Variants in SLC2A9 observed in about 807,000 individuals in gnomAD.
SLC2A9 encodes the protein solute carrier family 2 member 9.
SLC2A9 carries 39 observed loss-of-function variants against 50.6 expected under a neutral mutation model. That is an observed-to-expected ratio of 0.77 (90% confidence interval 0.60 to 1.01). The LOEUF is 1.01. Among genes scored for constraint, SLC2A9 ranks in the 50% least tolerant of loss-of-function variants. The pLI, the probability that SLC2A9 is intolerant of heterozygous loss-of-function variation, is 0.00. For missense variants in SLC2A9, 686 were observed against 677.6 expected (o/e 1.01, Z -0.14); for synonymous variants, 324 against 276.9 (o/e 1.17, Z -1.69).
intron 5 of SLC2A9, among the ~76,000 whole-genome samples, chr4:9,975,520 A>G (rs1022322145): frequency 2.6e-5 from 4 of 152,246 alleles, no homozygotes; most frequent in Non-Finnish European, 5.9e-5. Context: ...ATCACTAATC[A>G]TCAGAGAGAC....
In SLC2A9 at chr4:9,911,256, G is replaced by C. The variant is rs192983406; in HGVS notation, c.1003-2911C>G. ...CTCTCCCGCTGCCCAGGGGCTACAG[G>C]GGTCCTGCCGGGCTGGCCCTGTCTG... is the stretch of plus-strand genomic sequence containing the variant. On this transcript the variant is annotated intron_variant, in intron 7 of 11. Coordinates refer to ENST00000264784, the MANE Select transcript of SLC2A9 (RefSeq NM_020041.3). Among the ~76,000 whole-genome samples the C allele has an allele frequency of 2.5e-3, 378 of 152,130 alleles. 2 individuals are homozygous for C. The highest frequency in any genetic ancestry group is 8.6e-3 in the African/African-American group (359 of 41,506).
Position 9,839,168 on chromosome 4 carries a change from G to A in SLC2A9, c.1292-4160C>T, listed in dbSNP as rs187381816. Among the ~76,000 whole-genome samples, 17 of 152,142 alleles carry A rather than the reference G, an allele frequency of 1.1e-4. No individual in the cohort carries two copies. In the East Asian group the frequency reaches 3.3e-3, roughly 29 times the overall value. ...TTACAAGAATAAAACCCATTAAAAA[G>A]CAGGCAAAGGACATGAACACTTTTC... On this transcript the variant is annotated intron_variant, in intron 10 of 11. Transcript: ENST00000264784.
intron 3 of SLC2A9, among the ~76,000 whole-genome samples, chr4:9,785,330 C>T (rs1719081725): frequency 6.6e-6 from 1 of 152,188 alleles, no homozygotes; most frequent in Admixed American, 6.5e-5. Flanking sequence ...AGGTTCAACA[C>T]CTGTTTTCTC....
At chr4:9,882,789 G>C (rs898876377) in intron 10 of SLC2A9, among the ~76,000 whole-genome samples, 2 of 151,750 alleles carry the variant, frequency 1.3e-5, no homozygotes, top group African/African-American at 2.4e-5. Context: ...TATCCTCTAG[G>C]ACAGACAGAC....
chr4:9,799,523 A>T (rs1721040220), intron 3 of SLC2A9, among the ~76,000 whole-genome samples: 1 of 152,124 alleles, frequency 6.6e-6, no homozygotes, highest in South Asian at 2.1e-4. Flanking sequence ...TCCTAAAGGC[A>T]CCACCTCTTA....
At chr4:9,776,756 A>T (rs151200672), downstream of SLC2A9, among the ~76,000 whole-genome samples, 1 of 152,306 alleles carries the variant, frequency 6.6e-6, no homozygotes, top group East Asian at 1.9e-4. Context: ...ACAGGGGCTT[A>T]AAGACTGTAG....
chr4:9,890,459 C>A, intron 9 of SLC2A9, 151 bp downstream of exon 9: 1 of 768,932 alleles, frequency 1.3e-6, no homozygotes, highest in South Asian at 1.5e-5. Flanking sequence ...AGACCCTCAG[C>A]AGCTCCAGAG....
chr4:9,909,438 T>C (rs1425328622), intron 7 of SLC2A9, among the ~76,000 whole-genome samples: 1 of 152,180 alleles, frequency 6.6e-6, no homozygotes, highest in Non-Finnish European at 1.5e-5. Flanking sequence ...TCTGTTGGGG[T>C]ACCTGCCACA....
chr4:9,985,558 T>G, intron 4 of SLC2A9, 111 bp downstream of exon 4: 1 of 1,454,466 alleles, frequency 6.9e-7, no homozygotes, highest in African/African-American at 1.4e-5. Flanking sequence ...CCCTGCCAAG[T>G]CAATGCCAGC....
At chr4:9,867,365 C>T (rs916964451) in intron 10 of SLC2A9, among the ~76,000 whole-genome samples, 2 of 152,194 alleles carry the variant, frequency 1.3e-5, no homozygotes, top group South Asian at 4.1e-4. Context: ...TCAGCTGAGG[C>T]GGCTGGAGTA....
chr4:10,033,459 T>C (rs1405054054), intron 1 of SLC2A9, among the ~76,000 whole-genome samples: 1 of 152,200 alleles, frequency 6.6e-6, no homozygotes, highest in Non-Finnish European at 1.5e-5. Flanking sequence ...GTCTTGCCTT[T>C]TCCAAGAAAT....
chr4:9,778,156 C>T (rs1395458436), downstream of SLC2A9, among the ~76,000 whole-genome samples: 3 of 151,458 alleles, frequency 2.0e-5, no homozygotes, highest in African/African-American at 7.3e-5. Flanking sequence ...GTCCAGCAGA[C>T]TGGAGTGCAG....
At chr4:9,815,298 T>C (rs1723424449) in intron 3 of SLC2A9, among the ~76,000 whole-genome samples, 1 of 152,210 alleles carries the variant, frequency 6.6e-6, no homozygotes, top group South Asian at 2.1e-4. Context: ...ATACAACTTG[T>C]CAAGTGTCTA....
At chr4:9,852,890 C>T (rs1730182170) in intron 10 of SLC2A9, among the ~76,000 whole-genome samples, 1 of 152,092 alleles carries the variant, frequency 6.6e-6, no homozygotes, top group Non-Finnish European at 1.5e-5. Flanking sequence ...GGCAAAATGC[C>T]CCAATTAAAA....
chr4:10,019,090 C>T lies in SLC2A9; in HGVS notation c.151-17G>A. The T allele has an allele frequency of 6.5e-7, 1 of 1,549,730 alleles. No homozygotes were observed. Among genetic ancestry groups the T allele is most frequent in the Non-Finnish European group, 8.7e-7 (1 of 1,145,614 alleles). ...GGACCAGTCCTGAGGGGAGAGGAAA[C>T]CACGTCAGAGCCGGCACCGGGCGCG... On this transcript the variant is annotated splice_polypyrimidine_tract_variant and intron_variant, in intron 1 of 11. Transcript: ENST00000264784.
intron 8 of SLC2A9, among the ~76,000 whole-genome samples, chr4:9,898,224 A>G (rs937266024): frequency 6.6e-6 from 1 of 152,210 alleles, no homozygotes; most frequent in African/African-American, 2.4e-5. Flanking sequence ...CAGGGCTTGT[A>G]ATGTTGCCTG....
chr4:9,918,173 G>A (rs572785192), intron 7 of SLC2A9, among the ~76,000 whole-genome samples: 4 of 152,176 alleles, frequency 2.6e-5, no homozygotes, highest in Non-Finnish European at 5.9e-5. Flanking sequence ...TGTCTCCAGT[G>A]ACATGTCATG....
chr4:9,845,562 TG>T (rs1728848707), intron 10 of SLC2A9, among the ~76,000 whole-genome samples: 1 of 150,466 alleles, frequency 6.6e-6, no homozygotes, highest in Non-Finnish European at 1.5e-5. Flanking sequence ...CCCGAGTAGC[TG>T]GGACTACAGG....
intron 3 of SLC2A9, among the ~76,000 whole-genome samples, chr4:9,803,817 G>T (rs1024818857): frequency 6.6e-6 from 1 of 152,180 alleles, no homozygotes; most frequent in African/African-American, 2.4e-5. Context: ...ATAAAGAATT[G>T]TTGGATAAAT....
Sources: gnomAD v4.1 joint callset for allele counts (sites outside exome capture counted in the v4.1 genomes callset) on GRCh38, gnomAD v4.1.1 for gene constraint, MANE v1.5 for transcripts, NCBI Gene and HGNC (gene_info 2026-07-23, HGNC 2026-07-21) for gene names.